Variants in ATP10A observed in about 807,000 individuals in gnomAD.
ATP10A encodes the protein ATPase phospholipid transporting 10A (putative).
A neutral mutation model predicts 147.8 loss-of-function variants in ATP10A; 111 were observed. The observed-to-expected ratio is 0.75, with a 90% CI of 0.64 to 0.88. ATP10A has a LOEUF of 0.88. Ranked by LOEUF, ATP10A falls within the 40% of genes least tolerant of loss-of-function variation. The pLI is 0.00. For synonymous variants in ATP10A, 875 were observed against 841.6 expected (o/e 1.04, Z -0.69); for missense variants, 1,927 against 1,959.0 (o/e 0.98, Z 0.31).
At position 25,713,732 on chromosome 15, in the gene ATP10A, G is replaced by A. The variant is rs1408618219; in HGVS notation, c.2286C>T (p.Asn762=). 13 of 1,614,124 alleles carry A rather than the reference G, an allele frequency of 8.1e-6. No homozygotes were observed. The highest frequency in any genetic ancestry group is 1.1e-5 in the Non-Finnish European group (13 of 1,180,028). ...VIRHPLTDEI[N]VYTKGADSVV... is the part of the protein sequence containing the mutation. ...CTGAGTCGGCCCCCTTGGTGTAGAC[G>A]TTGATCTCATCGGTAAGCGGGTGCC... is the stretch of plus-strand genomic sequence containing the variant. Residue 762 remains asparagine, a synonymous_variant, in exon 10 of 21, where the codon AAC becomes AAT. Coordinates refer to ENST00000555815, the MANE Select transcript of ATP10A (RefSeq NM_024490.4).
intron 2 of ATP10A, among the ~76,000 whole-genome samples, chr15:25,773,145 G>C (rs1055128165): frequency 5.1e-4 from 77 of 152,104 alleles, no homozygotes; most frequent in African/African-American, 1.8e-3. Context: ...TGGTTTATGT[G>C]ACTATATGAA....
chr15:25,708,102 C>A lies in ATP10A; in HGVS notation c.2449G>T (p.Val817Phe). 6.2e-7 allele frequency: 1 copy of A among 1,613,852 alleles called. No individual in the cohort carries two copies. The highest frequency in any genetic ancestry group is 8.5e-7 in the Non-Finnish European group (1 of 1,179,798). The change falls in exon 12 of 21, where the codon GTT becomes TTT. Residue 817 changes from valine to phenylalanine, a missense_variant and splice_region_variant. Coordinates refer to ENST00000555815, the MANE Select transcript of ATP10A (RefSeq NM_024490.4). ...CAGGCATACTCTTCTTTACTCAGAACCTATGGGAGATACATTGTTGAGTGC... is the reference window on the plus strand; with the variant it reads ...CAGGCATACTCTTCTTTACTCAGAAACTATGGGAGATACATTGTTGAGTGC... ...GLRTLCIAKR[V>F]LSKEEYACWL...
At chr15:25,804,869 T>TA (rs1891111323) in intron 1 of ATP10A, among the ~76,000 whole-genome samples, 1 of 152,226 alleles carries the variant, frequency 6.6e-6, no homozygotes, top group African/African-American at 2.4e-5. Context: ...CTTTTAGAAG[T>TA]AAAAAATAAA....
intron 2 of ATP10A, among the ~76,000 whole-genome samples, chr15:25,774,690 T>TAA (rs149465540): frequency 1.0e-4 from 15 of 150,116 alleles, no homozygotes; most frequent in African/African-American, 2.7e-4. Context: ...CACCAGAATT[T>TAA]AAAAAAAAAA....
At chr15:25,733,362 G>A (rs1163676546) in intron 3 of ATP10A, among the ~76,000 whole-genome samples, 1 of 152,066 alleles carries the variant, frequency 6.6e-6, no homozygotes, top group African/African-American at 2.4e-5. Flanking sequence ...GGGACGGATA[G>A]CGTTACCAGG....
rs567058425 is a variant in ATP10A, at chr15:25,856,041, G to A, written c.449+6607C>T. 5.9e-5 allele frequency among the ~76,000 whole-genome samples: 9 copies of A among 152,336 alleles called. No individual in the cohort carries two copies. The East Asian group carries it at 1.7e-3, about 29-fold the overall frequency. On this transcript the variant is annotated intron_variant, in intron 1 of 20. Coordinates refer to ENST00000555815, the MANE Select transcript of ATP10A (RefSeq NM_024490.4). The stretch of plus-strand genomic sequence containing the variant: ...GAAGGTGGGTAAGGGGTATGCATCT[G>A]TACTATTTTTGCAACTTCTCTGTTA...
chr15:25,798,315 A>G (rs1363512077), intron 1 of ATP10A, among the ~76,000 whole-genome samples: 1 of 152,182 alleles, frequency 6.6e-6, no homozygotes, highest in Non-Finnish European at 1.5e-5. Flanking sequence ...TTCTACATAC[A>G]GGCCGCACCT....
At chr15:25,748,200 G>A (rs1887951520) in intron 2 of ATP10A, among the ~76,000 whole-genome samples, 1 of 152,134 alleles carries the variant, frequency 6.6e-6, no homozygotes, top group South Asian at 2.1e-4. Flanking sequence ...CTGACCTCGT[G>A]ATCTGCCAGC....
In ATP10A at chr15:25,679,772, T is replaced by C; in HGVS notation, c.4069A>G (p.Thr1357Ala). ...TCCAGGGAGCAGACCGGCTGCTGTGTGTGCCAAGAAGGCTGGGACAGGGGC... is the reference window on the plus strand; with the variant it reads ...TCCAGGGAGCAGACCGGCTGCTGTGCGTGCCAAGAAGGCTGGGACAGGGGC... ...SVPLSQPSWH[T>A]QQPVCSLEAS... Residue 1357 changes from threonine to alanine, a missense_variant, in exon 21 of 21, where the codon ACA (threonine) becomes GCA (alanine). Thr to Ala is a moderately conservative substitution (Grantham distance 58). Coordinates refer to ENST00000555815, the MANE Select transcript of ATP10A (RefSeq NM_024490.4). 1 of 1,613,148 alleles carries C rather than the reference T, an allele frequency of 6.2e-7. No individual in the cohort carries two copies. The highest frequency in any genetic ancestry group is 1.3e-5 in the African/African-American group (1 of 75,062).
chr15:25,763,872 A>AT (rs142966923), intron 2 of ATP10A, among the ~76,000 whole-genome samples: 8 of 152,146 alleles, frequency 5.3e-5, no homozygotes, highest in South Asian at 2.1e-4. Context: ...TCAAAAGTAC[A>AT]TTTTTTTGTA....
chr15:25,707,894 G>A (rs1483366992), intron 12 of ATP10A, 82 bp downstream of exon 12: 11 of 1,554,858 alleles, frequency 7.1e-6, no homozygotes, highest in South Asian at 2.4e-5. Context: ...CGGAGCAGCC[G>A]CTGACAAGAG....
chr15:25,750,032 G>T (rs927340703), intron 2 of ATP10A, among the ~76,000 whole-genome samples: 1 of 152,030 alleles, frequency 6.6e-6, no homozygotes, highest in Non-Finnish European at 1.5e-5. Flanking sequence ...ATGGGGAAGG[G>T]TATGAAGAAA....
At chr15:25,785,517 C>T (rs1364856484) in intron 1 of ATP10A, among the ~76,000 whole-genome samples, 1 of 152,200 alleles carries the variant, frequency 6.6e-6, no homozygotes, top group Non-Finnish European at 1.5e-5. Flanking sequence ...TAATAACGTC[C>T]ATTCTCGTGA....
At position 25,680,137 on chromosome 15, in the gene ATP10A, C is replaced by T. The variant is rs116641809; in HGVS notation, c.3850G>A (p.Ala1284Thr). The change falls in exon 20 of 21, where the codon GCT (alanine) becomes ACT (threonine). Residue 1284 changes from alanine (A) to threonine (T), a missense_variant. Coordinates refer to ENST00000555815, the MANE Select transcript of ATP10A (RefSeq NM_024490.4). ...GACACCCACCTGGGCAGCAGTGCAGCGACAGGCGTCATCAGGCAAGTCAAG... is the reference window on the plus strand; with the variant it reads ...GACACCCACCTGGGCAGCAGTGCAGTGACAGGCGTCATCAGGCAAGTCAAG... ...FYLTCLMTPV[A>T]ALLPRLFFRS... The T allele has an allele frequency of 8.1e-3, 13,089 of 1,613,716 alleles. 55 individuals carry two copies. The highest frequency in any genetic ancestry group is 1.0e-2 in the Non-Finnish European group (11,768 of 1,179,962).
At position 25,680,296 on chromosome 15, in the gene ATP10A, A is replaced by G; in HGVS notation, c.3691T>C (p.Trp1231Arg). ...AGGACACTGAAGCCACACGTTATCC[A>G]GTTGAGCCAGGTCTGAGGGGGAATG... Reference protein sequence around the residue: ...IETKTWTWLNWITCGFSVLLF... With the variant: ...IETKTWTWLNRITCGFSVLLF... The change falls in exon 20 of 21, where the codon TGG becomes CGG. Residue 1231 changes from tryptophan to arginine, a missense_variant. Physicochemically the swap from Trp to Arg is moderately radical, Grantham distance 101 (BLOSUM62 -3). Coordinates refer to ENST00000555815, the MANE Select transcript of ATP10A (RefSeq NM_024490.4). 6.2e-7 allele frequency: 1 copy of G among 1,614,162 alleles called. No individual in the cohort carries two copies. Among genetic ancestry groups the G allele is most frequent in the South Asian group, 1.1e-5 (1 of 91,082 alleles).
At chr15:25,795,221 C>A (rs1052682707) in intron 1 of ATP10A, among the ~76,000 whole-genome samples, 1 of 152,194 alleles carries the variant, frequency 6.6e-6, no homozygotes, top group African/African-American at 2.4e-5. Context: ...TCAGCCAGGG[C>A]ATCCCCACCT....
At chr15:25,722,285 A>T (rs529307945) in intron 6 of ATP10A, among the ~76,000 whole-genome samples, 6 of 152,050 alleles carry the variant, frequency 3.9e-5, no homozygotes, top group African/African-American at 1.4e-4. Flanking sequence ...CTCACACCAC[A>T]CTCCATGGTG....
chr15:25,733,642 G>A lies in ATP10A; in HGVS notation c.740+2414C>T, dbSNP rs184667980. Among the ~76,000 whole-genome samples the A allele has an allele frequency of 2.3e-3, 353 of 152,354 alleles. 1 individual carries two copies. Among genetic ancestry groups the A allele is most frequent in the African/African-American group, 8.2e-3 (341 of 41,590 alleles). ...CCTGTGGCAAGCCCAGAACACCCCGGCTGGTGGAGATGGCGAATTATCGTT... is the reference window on the plus strand; with the variant it reads ...CCTGTGGCAAGCCCAGAACACCCCGACTGGTGGAGATGGCGAATTATCGTT... On this transcript the variant is annotated intron_variant, in intron 3 of 20. Coordinates refer to ENST00000555815, the MANE Select transcript of ATP10A (RefSeq NM_024490.4).
chr15:25,749,582 A>T (rs1403117251), intron 2 of ATP10A, among the ~76,000 whole-genome samples: 7 of 152,234 alleles, frequency 4.6e-5, no homozygotes, highest in Admixed American at 1.3e-4. Flanking sequence ...TTATAGTCAA[A>T]TCCAATATCT....
Sources: gnomAD v4.1 joint callset for allele counts (sites outside exome capture counted in the v4.1 genomes callset) on GRCh38, gnomAD v4.1.1 for gene constraint, MANE v1.5 for transcripts, NCBI Gene and HGNC (gene_info 2026-07-23, HGNC 2026-07-21) for gene names.